Variants in MIER1 observed in about 807,000 individuals in gnomAD.
MIER1 encodes the protein MIER1 transcriptional regulator.
Under a neutral mutation model 75.7 loss-of-function variants are expected in MIER1, and 40 were observed. The ratio of observed to expected loss-of-function variants is 0.53; its 90% CI spans 0.41 to 0.69. MIER1 has a LOEUF of 0.69. Ranked by LOEUF, MIER1 falls within the 30% of genes least tolerant of loss-of-function variation. MIER1 has a pLI of 0.00. For missense variants in MIER1, 574 were observed against 680.2 expected (o/e 0.84, Z 1.74); for synonymous variants, 213 against 223.4 (o/e 0.95, Z 0.42).
intron 2 of MIER1, among the ~76,000 whole-genome samples, chr1:66,931,029 C>T (rs1035413973): frequency 1.3e-5 from 2 of 151,906 alleles, no homozygotes; most frequent in South Asian, 2.1e-4. Flanking sequence ...GCTTTTCCAC[C>T]TCCCCCCACC....
At chr1:66,950,975 C>G (rs1411551289) in intron 4 of MIER1, among the ~76,000 whole-genome samples, 1 of 152,136 alleles carries the variant, frequency 6.6e-6, no homozygotes, top group African/African-American at 2.4e-5. Context: ...CTATCTACAT[C>G]CACCAAATGG....
At chr1:66,972,235 C>CATAT (rs71058486) in intron 10 of MIER1, among the ~76,000 whole-genome samples, 2,030 of 63,592 alleles carry the variant, frequency 0.032, 22 homozygotes, top group African/African-American at 0.059. Context: ...ATATACACTA[C>CATAT]ATATATATAT....
chr1:66,962,381 A>G (rs1440527385), intron 7 of MIER1, among the ~76,000 whole-genome samples: 2 of 151,806 alleles, frequency 1.3e-5, no homozygotes, highest in Non-Finnish European at 2.9e-5. Context: ...CCTTTTTGTT[A>G]TTTTTCCTAC....
chr1:66,986,554 G>A lies in MIER1; in HGVS notation c.*1654G>A. The A allele has an allele frequency of 9.5e-7, 1 of 1,056,024 alleles. No individual in the cohort carries two copies. Among genetic ancestry groups the A allele is most frequent in the Non-Finnish European group, 1.5e-6 (1 of 679,138 alleles). 65.4% of individuals were successfully genotyped at this position (1,056,024 alleles called of 1,614,324 possible). A position where few individuals can be genotyped will look rare whatever the true frequency, so the allele number is the denominator to read the frequency against. Reference sequence around the variant, plus strand: ...TTTGCACTGAGAAATTAGCATTCAGGCCTTACCCCCATGAAGTATTACTGT... The same window carrying A: ...TTTGCACTGAGAAATTAGCATTCAGACCTTACCCCCATGAAGTATTACTGT... On this transcript the variant is annotated 3_prime_UTR_variant, in exon 14 of 14. Coordinates refer to ENST00000401041, the MANE Select transcript of MIER1 (RefSeq NM_001077700.3).
intron 2 of MIER1, among the ~76,000 whole-genome samples, chr1:66,937,020 AGAG>A (rs1367865720): frequency 1.3e-4 from 19 of 143,418 alleles, no homozygotes; most frequent in African/African-American, 3.9e-4. Flanking sequence ...AAAAAAAAAA[AGAG>A]AAAAAGAAAA....
At chr1:66,954,222 C>G (rs1196199039) in intron 4 of MIER1, among the ~76,000 whole-genome samples, 1 of 152,136 alleles carries the variant, frequency 6.6e-6, no homozygotes, top group Non-Finnish European at 1.5e-5. Flanking sequence ...CTAAATCTTC[C>G]CCTGCCTAAG....
rs1185850920 is a variant in MIER1 at position 66,985,817 on chromosome 1, T to A, written c.*917T>A. 5.3e-6 allele frequency: 2 copies of A among 377,624 alleles called. No homozygotes were observed. Among genetic ancestry groups the A allele is most frequent in the South Asian group, 8.3e-5 (1 of 12,012 alleles). 23.4% of individuals were successfully genotyped at this position (377,624 alleles called of 1,614,324 possible). On this transcript the variant is annotated 3_prime_UTR_variant, in exon 14 of 14. Coordinates refer to ENST00000401041, the MANE Select transcript of MIER1 (RefSeq NM_001077700.3). ...AGCATTCATAAAGGATTATAAAATT[T>A]TTTTTTTTTTTTTTTTTTTTAAATT...
intron 11 of MIER1, among the ~76,000 whole-genome samples, chr1:66,975,389 T>TAA (rs1345677721): frequency 6.6e-6 from 1 of 152,028 alleles, no homozygotes; most frequent in Non-Finnish European, 1.5e-5. Context: ...TACCTGAGTT[T>TAA]GGTGGCATGC....
rs1323114410 is a variant in MIER1 at position 66,987,058 on chromosome 1, C to T, written c.*2158C>T. ...TTAAATACATTCTCAGGCATGTTTG[C>T]AAAAATATGGCACATGTATACATTT... On this transcript the variant is annotated 3_prime_UTR_variant, in exon 14 of 14. Coordinates refer to ENST00000401041, the MANE Select transcript of MIER1 (RefSeq NM_001077700.3). 1 of 152,336 alleles carries T rather than the reference C, an allele frequency of 6.6e-6. No homozygotes were observed. Among genetic ancestry groups the T allele is most frequent in the African/African-American group, 2.4e-5 (1 of 41,446 alleles). The allele number at this position is 152,336 out of a possible 1,614,324, so 9.4% of individuals were successfully genotyped here. A position where few individuals can be genotyped will look rare whatever the true frequency, so the allele number is the denominator to read the frequency against.
chr1:66,930,888 C>T (rs1434469117), intron 2 of MIER1, among the ~76,000 whole-genome samples: 2 of 152,080 alleles, frequency 1.3e-5, no homozygotes, highest in African/African-American at 4.8e-5. Context: ...CTGTAATTTT[C>T]ATGATCGTGG....
chr1:66,947,020 G>A (rs1395825520), intron 4 of MIER1: 3 of 984,794 alleles, frequency 3.0e-6, no homozygotes, highest in African/African-American at 3.5e-5. Flanking sequence ...GTCTGGATCA[G>A]TGCTCCTCAA....
At chr1:66,963,576 C>T (rs1661688269) in intron 8 of MIER1, among the ~76,000 whole-genome samples, 1 of 152,064 alleles carries the variant, frequency 6.6e-6, no homozygotes, top group East Asian at 1.9e-4. Flanking sequence ...CTTATTTGCT[C>T]CTGAAACTTT....
chr1:66,947,898 A>G (rs1285028040), intron 4 of MIER1: 1 of 983,506 alleles, frequency 1.0e-6, no homozygotes, highest in Non-Finnish European at 1.2e-6. Flanking sequence ...ACTCTCTGGT[A>G]TATGCATCCC....
chr1:66,931,464 G>A (rs1463731169), intron 2 of MIER1, among the ~76,000 whole-genome samples: 2 of 151,950 alleles, frequency 1.3e-5, no homozygotes, highest in Non-Finnish European at 2.9e-5. Context: ...GATTGATAAG[G>A]CATTTCTCTT....
chr1:66,943,816 C>A (rs1656820946), intron 3 of MIER1, among the ~76,000 whole-genome samples: 1 of 152,192 alleles, frequency 6.6e-6, no homozygotes, highest in Non-Finnish European at 1.5e-5. Flanking sequence ...AGTACATAGA[C>A]TCTCCTTAAG....
intron 3 of MIER1, among the ~76,000 whole-genome samples, chr1:66,944,937 G>A (rs986173284): frequency 9.9e-5 from 15 of 151,892 alleles, no homozygotes; most frequent in Middle Eastern, 3.2e-3. Context: ...TGTTGCCCAG[G>A]CTGGTCTCAA....
chr1:66,958,777 A>G, intron 5 of MIER1, 74 bp from the exon 6 acceptor site: 5 of 1,297,164 alleles, frequency 3.9e-6, no homozygotes, highest in Non-Finnish European at 5.4e-6. Context: ...TTAGAACAAA[A>G]TTTATATGCT....
intron 13 of MIER1, among the ~76,000 whole-genome samples, chr1:66,983,766 C>T (rs571934029): frequency 2.6e-5 from 4 of 152,190 alleles, no homozygotes; most frequent in South Asian, 2.1e-4. Flanking sequence ...CTCGCTTTGT[C>T]GCCCAGGCTG....
At chr1:66,972,763 A>G (rs1570470870) in intron 10 of MIER1, 134 bp from the exon 11 acceptor site, 2 of 544,160 alleles carry the variant, frequency 3.7e-6, no homozygotes, top group East Asian at 6.2e-5. Flanking sequence ...ATCTTTTGCA[A>G]CAATTAGTAA....
Sources: gnomAD v4.1 joint callset for allele counts (sites outside exome capture counted in the v4.1 genomes callset) on GRCh38, gnomAD v4.1.1 for gene constraint, MANE v1.5 for transcripts, NCBI Gene and HGNC (gene_info 2026-07-23, HGNC 2026-07-21) for gene names.